Variants in VRK2 observed in about 807,000 individuals in gnomAD.
The protein encoded by VRK2 is VRK serine/threonine kinase 2, also known as serine/threonine-protein kinase VRK2.
Under a neutral mutation model 57.6 loss-of-function variants are expected in VRK2, and 60 were observed. That is an observed-to-expected ratio of 1.04 (90% CI 0.85 to 1.29). The LOEUF is 1.29. Among genes scored for constraint, VRK2 ranks in the 50% most tolerant of loss-of-function variants. The pLI, the probability that VRK2 is intolerant of heterozygous loss-of-function variation, is 0.00. For missense variants in VRK2, 705 were observed against 588.1 expected (o/e 1.20, Z -2.06); for synonymous variants, 231 against 199.2 (o/e 1.16, Z -1.35).
intron 2 of VRK2, among the ~76,000 whole-genome samples, chr2:58,054,777 A>G (rs7563312): frequency 0.067 from 10,182 of 152,186 alleles, 1,143 homozygotes; most frequent in African/African-American, 0.23. Flanking sequence ...TGATTTTGCA[A>G]TTAGTATTTC....
At chr2:57,996,526 T>A (rs1406529036) in intron 1 of VRK2, among the ~76,000 whole-genome samples, 1 of 152,196 alleles carries the variant, frequency 6.6e-6, no homozygotes, top group African/African-American at 2.4e-5. Flanking sequence ...AAGTCAAACA[T>A]GCGCAGTCAA....
upstream of VRK2, chr2:58,046,472 G>C (rs1674761222): frequency 3.0e-6 from 3 of 984,218 alleles, no homozygotes; most frequent in Non-Finnish European, 3.6e-6. Flanking sequence ...TCAGGTTGTG[G>C]TACAGGAGAT....
At chr2:58,093,438 G>C (rs1339530208) in intron 7 of VRK2, among the ~76,000 whole-genome samples, 4 of 151,984 alleles carry the variant, frequency 2.6e-5, no homozygotes, top group Non-Finnish European at 5.9e-5. Flanking sequence ...TTTTTCATGT[G>C]TTTTTTGGCT....
At chr2:57,955,590 C>T (rs978492359) in intron 1 of VRK2, among the ~76,000 whole-genome samples, 2 of 152,092 alleles carry the variant, frequency 1.3e-5, no homozygotes, top group African/African-American at 2.4e-5. Context: ...AATTTTCCCA[C>T]AGAATACTAA....
chr2:58,068,671 C>T (rs1461980267), intron 2 of VRK2, among the ~76,000 whole-genome samples: 1 of 151,720 alleles, frequency 6.6e-6, no homozygotes, highest in Non-Finnish European at 1.5e-5. Flanking sequence ...TTGTTACTGC[C>T]TATAAGTTTC....
chr2:57,919,340 A>G (rs1169015960), intron 1 of VRK2, among the ~76,000 whole-genome samples: 1 of 152,120 alleles, frequency 6.6e-6, no homozygotes, highest in Non-Finnish European at 1.5e-5. Context: ...ATTTCTCTTA[A>G]AAAGTATAAA....
chr2:58,110,970 T>A (rs370943908), intron 7 of VRK2, among the ~76,000 whole-genome samples: 5 of 152,188 alleles, frequency 3.3e-5, no homozygotes, highest in Non-Finnish European at 5.9e-5. Context: ...TAGGACCCAG[T>A]GGTCCTGCCC....
upstream of VRK2, among the ~76,000 whole-genome samples, chr2:58,045,082 G>C (rs1395881554): frequency 6.6e-6 from 1 of 152,226 alleles, no homozygotes; most frequent in African/African-American, 2.4e-5. Context: ...CTGGCTAATT[G>C]TGAGTAAATT....
intron 1 of VRK2, among the ~76,000 whole-genome samples, chr2:57,988,173 T>TA (rs920299971): frequency 1.1e-4 from 17 of 152,218 alleles, no homozygotes; most frequent in East Asian, 3.9e-4. Context: ...AATTAAAAGT[T>TA]AAAAAAAACT....
rs549339684 is a variant in VRK2, at chr2:57,918,637, C to G, written c.-439+10798C>G. ...TGGGACTGATTGTGAAAGCACCCATCTAAGCAGTTCCTTTTTCAGATATTA... is the reference window on the plus strand; with the variant it reads ...TGGGACTGATTGTGAAAGCACCCATGTAAGCAGTTCCTTTTTCAGATATTA... On this transcript the variant is annotated intron_variant, in intron 1 of 15. Coordinates refer to the VRK2 transcript ENST00000417641. Among the ~76,000 whole-genome samples, 42 of 152,218 alleles carry G rather than the reference C, an allele frequency of 2.8e-4. 2 individuals carry two copies. In the South Asian group the frequency reaches 8.7e-3, roughly 32 times the overall value.
intron 1 of VRK2, among the ~76,000 whole-genome samples, chr2:57,927,072 ATATCT>A (rs564397758): frequency 1.3e-5 from 2 of 149,518 alleles, no homozygotes; most frequent in African/African-American, 4.9e-5. Context: ...CTTCTGAATA[ATATCT>A]TATAACCCAT....
At chr2:58,074,716 G>A (rs1168210195) in intron 2 of VRK2, among the ~76,000 whole-genome samples, 2 of 151,802 alleles carry the variant, frequency 1.3e-5, no homozygotes, top group East Asian at 3.9e-4. Context: ...TCTCTGGCAC[G>A]GTTCATTTCT....
At chr2:57,938,701 A>C (rs1360833921) in intron 1 of VRK2, among the ~76,000 whole-genome samples, 1 of 152,056 alleles carries the variant, frequency 6.6e-6, no homozygotes, top group Non-Finnish European at 1.5e-5. Flanking sequence ...TTTCTCTCAT[A>C]AACAGAAGTT....
chr2:58,055,098 A>G (rs1167105420), intron 2 of VRK2, among the ~76,000 whole-genome samples: 1 of 152,186 alleles, frequency 6.6e-6, no homozygotes, highest in Non-Finnish European at 1.5e-5. Flanking sequence ...GTGGCCCTTC[A>G]TTGGCATTAT....
At chr2:57,916,055 G>A (rs573987601) in intron 1 of VRK2, among the ~76,000 whole-genome samples, 1 of 152,222 alleles carries the variant, frequency 6.6e-6, no homozygotes, top group South Asian at 2.1e-4. Flanking sequence ...GGGGACTGCT[G>A]CACAAGCCTC....
At chr2:58,043,794 A>T (rs898291588), upstream of VRK2, among the ~76,000 whole-genome samples, 2 of 152,222 alleles carry the variant, frequency 1.3e-5, no homozygotes, top group Non-Finnish European at 2.9e-5. Flanking sequence ...TGACACTATA[A>T]GAACCTGCCA....
At chr2:57,979,524 G>T (rs565849855) in intron 1 of VRK2, among the ~76,000 whole-genome samples, 3 of 151,250 alleles carry the variant, frequency 2.0e-5, no homozygotes, top group South Asian at 2.1e-4. Context: ...TCTCTGCCAG[G>T]TTTGGTATTG....
chr2:58,024,325 T>C (rs955910903), intron 1 of VRK2, among the ~76,000 whole-genome samples: 6 of 152,308 alleles, frequency 3.9e-5, no homozygotes, highest in Middle Eastern at 3.4e-3. Context: ...GAGGGTTCAG[T>C]GGCAAATATT....
intron 12 of VRK2, among the ~76,000 whole-genome samples, chr2:58,149,150 G>A (rs1483280073): frequency 6.6e-6 from 1 of 151,636 alleles, no homozygotes; most frequent in African/African-American, 2.4e-5. Context: ...GCATTTATGT[G>A]GAACTTCTCT....
Sources: gnomAD v4.1 joint callset for allele counts (sites outside exome capture counted in the v4.1 genomes callset) on GRCh38, gnomAD v4.1.1 for gene constraint, MANE v1.5 for transcripts, NCBI Gene and HGNC (gene_info 2026-07-23, HGNC 2026-07-21) for gene names.